GPR89A: variants seen among roughly 807,000 people sequenced by gnomAD.
GPR89A encodes the protein golgi pH regulator A.
Under a neutral mutation model 52.0 loss-of-function variants are expected in GPR89A, and 16 were observed. That is an observed-to-expected ratio of 0.31 (90% CI 0.21 to 0.47). The LOEUF is 0.47. Ranked by LOEUF, GPR89A falls within the 20% of genes least tolerant of loss-of-function variation. The pLI, the probability that GPR89A is intolerant of heterozygous loss-of-function variation, is 1.00. For synonymous variants in GPR89A, 55 were observed against 150.9 expected (o/e 0.36, Z 4.66); for missense variants, 135 against 449.4 (o/e 0.30, Z 6.33).
intron 10 of GPR89A, among the ~76,000 whole-genome samples, chr1:145,652,235 C>T (rs1369365624): frequency 1.3e-5 from 2 of 150,278 alleles, no homozygotes; most frequent in African/African-American, 4.9e-5. Context: ...AAGGCCTTTT[C>T]TGTGTCTATT....
chr1:145,619,657 A>T (rs1268329309), intron 3 of GPR89A, among the ~76,000 whole-genome samples: 1 of 152,152 alleles, frequency 6.6e-6, no homozygotes, highest in Non-Finnish European at 1.5e-5. Flanking sequence ...TTGATAGAAC[A>T]ATGAATAACA....
At chr1:145,642,318 A>T (rs1345639896) in intron 7 of GPR89A, among the ~76,000 whole-genome samples, 8 of 152,252 alleles carry the variant, frequency 5.3e-5, no homozygotes, top group Admixed American at 1.3e-4. Flanking sequence ...TTTTTCAACT[A>T]TGAAAATATA....
At chr1:145,642,716 T>G (rs1445722803) in intron 7 of GPR89A, among the ~76,000 whole-genome samples, 1 of 151,944 alleles carries the variant, frequency 6.6e-6, no homozygotes, top group Non-Finnish European at 1.5e-5. Flanking sequence ...AATATCCACC[T>G]TGAGTTACAT....
At chr1:145,623,210 A>T in intron 4 of GPR89A, 50 bp downstream of exon 4, 1 of 1,599,732 alleles carries the variant, frequency 6.3e-7, no homozygotes, top group Non-Finnish European at 8.5e-7. Context: ...TGAGTATTTG[A>T]GGGGACTTAA....
intron 10 of GPR89A, among the ~76,000 whole-genome samples, chr1:145,656,072 A>T (rs1247940099): frequency 1.3e-5 from 2 of 152,098 alleles, no homozygotes; most frequent in Admixed American, 6.6e-5. Flanking sequence ...ACAGTCTGCC[A>T]CTACCACTGT....
intron 10 of GPR89A, among the ~76,000 whole-genome samples, chr1:145,661,140 GT>G (rs1292976105): frequency 6.8e-6 from 1 of 146,836 alleles, no homozygotes; most frequent in Non-Finnish European, 1.5e-5. Flanking sequence ...AAAATGATGA[GT>G]TCATGTCCTT....
intron 1 of GPR89A, chr1:145,608,669 G>T (rs1446766089): frequency 9.6e-7 from 1 of 1,037,624 alleles, no homozygotes; most frequent in African/African-American, 1.7e-5. Context: ...CAAAGTATCA[G>T]TATAAGGTAA....
chr1:145,649,046 C>T lies in GPR89A; in HGVS notation c.909+1779C>T, dbSNP rs187307862. Among the ~76,000 whole-genome samples, 477 of 147,524 alleles carry T rather than the reference C, an allele frequency of 3.2e-3. 4 individuals are homozygous for T. The Middle Eastern group carries it at 0.048, about 15-fold the overall frequency. ...GTCTCGATCTCCTGACCTCGTGATC[C>T]GCCTGCCTCAGCCTCCCAAAGTGCT... is the stretch of plus-strand genomic sequence containing the variant. On this transcript the variant is annotated intron_variant, in intron 10 of 13. Coordinates refer to ENST00000313835, the MANE Select transcript of GPR89A (RefSeq NM_001097612.2).
At chr1:145,635,394 A>C (rs1354218330) in intron 7 of GPR89A, among the ~76,000 whole-genome samples, 2 of 121,596 alleles carry the variant, frequency 1.6e-5, no homozygotes, top group Admixed American at 1.8e-4. Flanking sequence ...TGATGGAGTG[A>C]GACTCCGTCT....
intron 2 of GPR89A, among the ~76,000 whole-genome samples, chr1:145,617,117 G>A (rs1292136224): frequency 6.6e-6 from 1 of 152,102 alleles, no homozygotes; most frequent in Non-Finnish European, 1.5e-5. Flanking sequence ...AGACCAGGGT[G>A]TATTTTAGTC....
chr1:145,632,440 C>A (rs1235339307), intron 7 of GPR89A, among the ~76,000 whole-genome samples: 3 of 152,042 alleles, frequency 2.0e-5, no homozygotes, highest in African/African-American at 7.2e-5. Context: ...CATCATTCTA[C>A]CCTCTGCTTC....
At chr1:145,641,730 A>G (rs1413205343) in intron 7 of GPR89A, among the ~76,000 whole-genome samples, 2 of 151,938 alleles carry the variant, frequency 1.3e-5, no homozygotes, top group Non-Finnish European at 2.9e-5. Flanking sequence ...CTTTTAAATG[A>G]CATTGGGCTA....
At chr1:145,649,332 A>C (rs2318296) in intron 10 of GPR89A, among the ~76,000 whole-genome samples, 1 of 152,052 alleles carries the variant, frequency 6.6e-6, no homozygotes, top group Non-Finnish European at 1.5e-5. Context: ...ACGACTGCCA[A>C]TCTGCCTTCT....
chr1:145,610,988 ACT>A (rs782110481), intron 1 of GPR89A, among the ~76,000 whole-genome samples: 69 of 152,110 alleles, frequency 4.5e-4, no homozygotes, highest in Non-Finnish European at 8.5e-4. Context: ...TAAGGTCAAG[ACT>A]CTGTACAATT....
At chr1:145,619,998 G>C (rs587629026) in intron 3 of GPR89A, among the ~76,000 whole-genome samples, 1 of 151,928 alleles carries the variant, frequency 6.6e-6, no homozygotes, top group African/African-American at 2.4e-5. Flanking sequence ...CTGGGCGACA[G>C]AGCAAGACTC....
At chr1:145,614,309 A>G (rs1648510755) in intron 1 of GPR89A, among the ~76,000 whole-genome samples, 1 of 151,986 alleles carries the variant, frequency 6.6e-6, no homozygotes, top group Non-Finnish European at 1.5e-5. Flanking sequence ...TCCCTCTTTC[A>G]TATTGTTTTA....
At chr1:145,650,040 G>GT (rs1651341640) in intron 10 of GPR89A, among the ~76,000 whole-genome samples, 1 of 150,182 alleles carries the variant, frequency 6.7e-6, no homozygotes, top group Non-Finnish European at 1.5e-5. Flanking sequence ...TGTTACATAT[G>GT]TAAGTATGTG....
At chr1:145,664,302 T>C (rs1652407644) in intron 11 of GPR89A, among the ~76,000 whole-genome samples, 1 of 152,064 alleles carries the variant, frequency 6.6e-6, no homozygotes, top group Non-Finnish European at 1.5e-5. Flanking sequence ...TGTATCCTCT[T>C]TGAGTGTGAA....
intron 10 of GPR89A, among the ~76,000 whole-genome samples, chr1:145,658,899 G>A (rs587609850): frequency 1.3e-4 from 20 of 150,464 alleles, no homozygotes; most frequent in East Asian, 4.0e-4. Context: ...TGCCTCAGCC[G>A]CCTGAGTAGC....
Sources: gnomAD v4.1 joint callset for allele counts (sites outside exome capture counted in the v4.1 genomes callset) on GRCh38, gnomAD v4.1.1 for gene constraint, MANE v1.5 for transcripts, NCBI Gene and HGNC (gene_info 2026-07-23, HGNC 2026-07-21) for gene names.